NTNG1: variants seen among roughly 807,000 people sequenced by gnomAD.
The protein encoded by NTNG1 is netrin-G1.
A neutral mutation model predicts 54.0 loss-of-function variants in NTNG1; 16 were observed. That is an observed-to-expected ratio of 0.30 (90% CI 0.20 to 0.45). The LOEUF is 0.45. NTNG1 is among the 20% of genes least tolerant of loss of function. NTNG1 has a pLI of 1.00. For missense variants in NTNG1, 530 were observed against 678.7 expected, an observed-to-expected ratio of 0.78 and a Z score of 2.43; for synonymous variants, 255 against 263.1, an observed-to-expected ratio of 0.97 and a Z score of 0.30.
At chr1:107,260,758 T>C (rs996705019) in intron 2 of NTNG1, 4 of 152,206 alleles carry the variant, frequency 2.6e-5, no homozygotes, top group Non-Finnish European at 4.4e-5. Flanking sequence ...TGATGATGTT[T>C]AGAGATCCCA....
intron 2 of NTNG1, among the ~76,000 whole-genome samples, chr1:107,161,132 C>T (rs984769689): frequency 6.6e-6 from 1 of 152,080 alleles, no homozygotes; most frequent in African/African-American, 2.4e-5. Flanking sequence ...TTTCGTAGTG[C>T]CCATAGTAGA....
At chr1:107,142,242 G>A (rs1653782762) in intron 1 of NTNG1, among the ~76,000 whole-genome samples, 1 of 150,556 alleles carries the variant, frequency 6.6e-6, no homozygotes, top group Non-Finnish European at 1.5e-5. Flanking sequence ...TTCATACAAG[G>A]AAAAACTTAG....
At chr1:107,178,413 A>G (rs1457291821) in intron 2 of NTNG1, among the ~76,000 whole-genome samples, 1 of 151,270 alleles carries the variant, frequency 6.6e-6, no homozygotes, top group East Asian at 1.9e-4. Context: ...ATTTTCCTTC[A>G]TTATAGCCAC....
intron 7 of NTNG1, among the ~76,000 whole-genome samples, chr1:107,469,316 C>G (rs1238053782): frequency 1.3e-5 from 2 of 152,090 alleles, no homozygotes; most frequent in Non-Finnish European, 2.9e-5. Context: ...CCTGAGTTGG[C>G]AAGTCAAAGC....
At chr1:107,467,800 T>A (rs1677701755) in intron 7 of NTNG1, among the ~76,000 whole-genome samples, 1 of 152,264 alleles carries the variant, frequency 6.6e-6, no homozygotes, top group South Asian at 2.1e-4. Context: ...TTAAGAAATT[T>A]AAATGTTTGG....
chr1:107,398,082 C>A (rs1241942099), intron 4 of NTNG1, among the ~76,000 whole-genome samples: 1 of 152,130 alleles, frequency 6.6e-6, no homozygotes, highest in African/African-American at 2.4e-5. Flanking sequence ...AAAGCTACAA[C>A]TTCTGGTCCC....
At chr1:107,159,520 T>C (rs1655258823) in intron 2 of NTNG1, among the ~76,000 whole-genome samples, 1 of 152,164 alleles carries the variant, frequency 6.6e-6, no homozygotes, top group Non-Finnish European at 1.5e-5. Flanking sequence ...TCCTATCTTA[T>C]CCTTACTCAC....
At chr1:107,283,564 G>A (rs2101736135) in intron 2 of NTNG1, among the ~76,000 whole-genome samples, 1 of 152,254 alleles carries the variant, frequency 6.6e-6, no homozygotes, top group Non-Finnish European at 1.5e-5. Flanking sequence ...TGATTACCTT[G>A]TAATGAGCAA....
At chr1:107,194,371 T>G (rs983142505) in intron 2 of NTNG1, among the ~76,000 whole-genome samples, 4 of 152,040 alleles carry the variant, frequency 2.6e-5, no homozygotes, top group Admixed American at 2.6e-4. Context: ...GTTAATTACA[T>G]CTTAAATCAA....
At chr1:107,305,583 T>A (rs778944923) in intron 2 of NTNG1, among the ~76,000 whole-genome samples, 87 of 151,360 alleles carry the variant, frequency 5.7e-4, no homozygotes, top group Admixed American at 8.5e-4. Context: ...TTTGATGGGG[T>A]TATTTTTTTT....
chr1:107,435,696 A>C (rs1455296666), intron 6 of NTNG1, among the ~76,000 whole-genome samples: 1 of 152,106 alleles, frequency 6.6e-6, no homozygotes, highest in Admixed American at 6.5e-5. Context: ...TTGGTTTTTC[A>C]TGAGGGAACT....
At chr1:107,285,808 C>A (rs1375703365) in intron 2 of NTNG1, among the ~76,000 whole-genome samples, 1 of 152,056 alleles carries the variant, frequency 6.6e-6, no homozygotes, top group African/African-American at 2.4e-5. Flanking sequence ...ATAATGCAGA[C>A]AATCCCAGCA....
intron 2 of NTNG1, among the ~76,000 whole-genome samples, chr1:107,159,064 C>A (rs1015116073): frequency 1.3e-5 from 2 of 152,072 alleles, no homozygotes; most frequent in Non-Finnish European, 2.9e-5. Flanking sequence ...ATATTGTGGA[C>A]CGTCTGCATG....
chr1:107,417,793 A>G (rs1674316922), intron 5 of NTNG1, among the ~76,000 whole-genome samples: 1 of 152,120 alleles, frequency 6.6e-6, no homozygotes, highest in African/African-American at 2.4e-5. Context: ...CTTCACAAAA[A>G]TAGTTTAAAA....
At chr1:107,474,322 A>G (rs1284903367) in intron 7 of NTNG1, among the ~76,000 whole-genome samples, 1 of 152,216 alleles carries the variant, frequency 6.6e-6, no homozygotes, top group African/African-American at 2.4e-5. Flanking sequence ...AGAGCAGGGC[A>G]CCAAGTAAAA....
At chr1:107,166,001 A>T (rs1010657045) in intron 2 of NTNG1, among the ~76,000 whole-genome samples, 2 of 152,216 alleles carry the variant, frequency 1.3e-5, no homozygotes, top group Non-Finnish European at 2.9e-5. Flanking sequence ...AATGGGAGAT[A>T]ACAATGACAG....
At position 107,231,178 on chromosome 1, in the gene NTNG1, G is replaced by T. The variant is rs6583017; in HGVS notation, c.246+82339G>T. Among the ~76,000 whole-genome samples the T allele has an allele frequency of 4.8e-3, 736 of 152,244 alleles. 4 individuals carry two copies. Among genetic ancestry groups the T allele is most frequent in the African/African-American group, 0.017 (706 of 41,546 alleles). The stretch of plus-strand genomic sequence containing the variant: ...CATGTAAACTACCTGTACAATAAAA[G>T]ATCAATACAATGCCATGATGGCCAT... On this transcript the variant is annotated intron_variant, in intron 2 of 7. Transcript: ENST00000370068.
At chr1:107,430,598 A>G in intron 5 of NTNG1, 152 bp from the exon 6 acceptor site, 2 of 821,820 alleles carry the variant, frequency 2.4e-6, no homozygotes, top group Non-Finnish European at 4.2e-6. Context: ...GCCAGTCACA[A>G]CCACCTGTTG....
intron 7 of NTNG1, among the ~76,000 whole-genome samples, chr1:107,469,460 A>T (rs985306320): frequency 6.6e-6 from 1 of 152,192 alleles, no homozygotes; most frequent in African/African-American, 2.4e-5. Context: ...ACAAAATTTT[A>T]TTTATTTTAT....
Sources: gnomAD v4.1 joint callset for allele counts (sites outside exome capture counted in the v4.1 genomes callset) on GRCh38, gnomAD v4.1.1 for gene constraint, MANE v1.5 for transcripts, NCBI Gene and HGNC (gene_info 2026-07-23, HGNC 2026-07-21) for gene names.